Variants in PLA1A observed in about 807,000 individuals in gnomAD.
PLA1A encodes the protein phosphatidylserine-specific phospholipase A1alpha.
Under a neutral mutation model 49.4 loss-of-function variants are expected in PLA1A, and 47 were observed. The ratio of observed to expected loss-of-function variants is 0.95; its 90% CI spans 0.75 to 1.21. PLA1A has a LOEUF of 1.21. Ranked by LOEUF, PLA1A falls within the 50% of genes most tolerant of loss-of-function variation. PLA1A has a pLI of 0.00. For missense variants in PLA1A, 561 were observed against 563.9 expected (o/e 0.99, Z 0.05); for synonymous variants, 224 against 207.9 (o/e 1.08, Z -0.67).
At chr3:119,627,150 C>T (rs985735190) in intron 9 of PLA1A, among the ~76,000 whole-genome samples, 1 of 152,236 alleles carries the variant, frequency 6.6e-6, no homozygotes, top group Non-Finnish European at 1.5e-5. Context: ...CAGATTAGCG[C>T]TTCCTCCTCC....
intron 1 of PLA1A, among the ~76,000 whole-genome samples, chr3:119,599,875 C>A (rs2082594560): frequency 1.3e-5 from 2 of 152,136 alleles, no homozygotes; most frequent in African/African-American, 4.8e-5. Flanking sequence ...TCAACAGCAA[C>A]AATATTTATT....
chr3:119,627,090 C>T (rs2052549599), intron 9 of PLA1A, among the ~76,000 whole-genome samples: 1 of 152,162 alleles, frequency 6.6e-6, no homozygotes, highest in Non-Finnish European at 1.5e-5. Flanking sequence ...TGGGCATAGG[C>T]TCCACAGCTA....
At chr3:119,626,270 G>A (rs867135762) in intron 9 of PLA1A, among the ~76,000 whole-genome samples, 1 of 152,200 alleles carries the variant, frequency 6.6e-6, no homozygotes, top group Admixed American at 6.5e-5. Flanking sequence ...GCTTCCACTG[G>A]GTTAGACCTC....
intron 1 of PLA1A, among the ~76,000 whole-genome samples, chr3:119,603,659 A>G (rs2082646690): frequency 6.6e-6 from 1 of 152,242 alleles, no homozygotes; most frequent in African/African-American, 2.4e-5. Context: ...AAACTTAGGC[A>G]CATTAAAATT....
At chr3:119,623,717 CTTTTT>C (rs35309675) in intron 8 of PLA1A, among the ~76,000 whole-genome samples, 7 of 101,488 alleles carry the variant, frequency 6.9e-5, no homozygotes, top group Non-Finnish European at 9.3e-5. Context: ...TTCTCTCTTT[CTTTTT>C]TTTTTTTTTT....
chr3:119,610,289 A>G (rs1351818444), intron 4 of PLA1A, among the ~76,000 whole-genome samples: 2 of 152,146 alleles, frequency 1.3e-5, no homozygotes, highest in Non-Finnish European at 2.9e-5. Flanking sequence ...TGAATATACT[A>G]GTGCAGGTAT....
chr3:119,608,870 AC>A lies in PLA1A; in HGVS notation c.377del (p.Thr126LysfsTer8), dbSNP rs1560079437. 2 of 1,613,948 alleles carry A rather than the reference AC, an allele frequency of 1.2e-6. No homozygotes were observed. The highest frequency in any genetic ancestry group is 2.2e-5 in the South Asian group (2 of 91,080). On this transcript the variant is annotated frameshift_variant, in exon 3 of 11. Transcript: ENST00000273371. LOFTEE classifies it high-confidence loss of function. ...TGCCGTGGACTGGATTTATGGGTCTACAGGAGTCTACTTCTCAGCTGTGAAA... is the reference window on the plus strand; with the variant it reads ...TGCCGTGGACTGGATTTATGGGTCTAAGGAGTCTACTTCTCAGCTGTGAAA... ...VIAVDWIYGS[T>X]GVYFSAVKNV...
At position 119,622,675 on chromosome 3, in the gene PLA1A, G is replaced by A. The variant is rs544621858; in HGVS notation, c.1013-2449G>A. ...GAGAAAGTACAGGTAGAGTAGAGGCGAAGGATTGCATCTCTAGCTATGTTC... is the reference window on the plus strand; with the variant it reads ...GAGAAAGTACAGGTAGAGTAGAGGCAAAGGATTGCATCTCTAGCTATGTTC... On this transcript the variant is annotated intron_variant, in intron 8 of 10. Coordinates refer to ENST00000273371, the MANE Select transcript of PLA1A (RefSeq NM_015900.4). Among the ~76,000 whole-genome samples the A allele has an allele frequency of 5.3e-5, 8 of 152,186 alleles. No homozygotes were observed. The South Asian group carries it at 1.5e-3, about 28-fold the overall frequency.
intron 7 of PLA1A, among the ~76,000 whole-genome samples, chr3:119,618,575 G>A (rs967656569): frequency 4.6e-5 from 7 of 152,202 alleles, no homozygotes; most frequent in Non-Finnish European, 8.8e-5. Flanking sequence ...TGGAACACAA[G>A]ACCTACATTA....
chr3:119,606,694 C>A, intron 1 of PLA1A, 80 bp from the exon 2 acceptor site: 1 of 1,154,192 alleles, frequency 8.7e-7, no homozygotes, highest in Non-Finnish European at 1.3e-6. Flanking sequence ...TTCTTGCTTC[C>A]TTCCAAGGTC....
intron 5 of PLA1A, among the ~76,000 whole-genome samples, chr3:119,613,818 G>A (rs1039916477): frequency 6.6e-6 from 1 of 152,168 alleles, no homozygotes; most frequent in Non-Finnish European, 1.5e-5. Flanking sequence ...GCGTGAACCC[G>A]GGAGGCAGAG....
At chr3:119,609,055 G>A (rs770604782) in intron 3 of PLA1A, 108 bp downstream of exon 3, 4 of 845,614 alleles carry the variant, frequency 4.7e-6, no homozygotes, top group Non-Finnish European at 3.8e-6. Context: ...GAGTCACCAG[G>A]TAGCTCGGTG....
chr3:119,599,854 G>T (rs978871906), intron 1 of PLA1A, among the ~76,000 whole-genome samples: 1 of 152,126 alleles, frequency 6.6e-6, no homozygotes, highest in Non-Finnish European at 1.5e-5. Context: ...CCTTAACTGA[G>T]TGTTTCACTG....
intron 8 of PLA1A, among the ~76,000 whole-genome samples, chr3:119,623,790 T>C (rs1639011738): frequency 7.0e-6 from 1 of 142,048 alleles, no homozygotes; most frequent in African/African-American, 2.6e-5. Flanking sequence ...AACGGCACCA[T>C]CTCGGCTCAC....
chr3:119,618,698 G>A (rs748356139), intron 7 of PLA1A, among the ~76,000 whole-genome samples: 1 of 152,168 alleles, frequency 6.6e-6, no homozygotes, highest in Non-Finnish European at 1.5e-5. Flanking sequence ...TGCCAGGAAG[G>A]CTGCAGGATC....
Position 119,612,305 on chromosome 3 carries a change from A to G in PLA1A, c.563-712A>G, listed in dbSNP as rs1577143858. ...GAAGGGAAGGGATCCAAACTGAGAG[A>G]TGGGAATAGTAGTATTCACAGTAAT... is the stretch of plus-strand genomic sequence containing the variant. On this transcript the variant is annotated intron_variant, in intron 4 of 10. Coordinates refer to ENST00000273371, the MANE Select transcript of PLA1A (RefSeq NM_015900.4). Among the ~76,000 whole-genome samples the G allele has an allele frequency of 2.6e-5, 4 of 152,242 alleles. No individual in the cohort carries two copies. The South Asian group carries it at 8.3e-4, about 32-fold the overall frequency.
intron 8 of PLA1A, among the ~76,000 whole-genome samples, chr3:119,622,383 G>A (rs183171596): frequency 1.3e-5 from 2 of 152,128 alleles, no homozygotes; most frequent in Non-Finnish European, 2.9e-5. Context: ...GCCCTTGCCC[G>A]TCCCCATAAC....
At chr3:119,600,220 C>T (rs909901527) in intron 1 of PLA1A, 1 of 583,348 alleles carries the variant, frequency 1.7e-6, no homozygotes, top group Non-Finnish European at 3.1e-6. Flanking sequence ...GAAGTTCAGC[C>T]TCCACTCACT....
chr3:119,612,520 G>A lies in PLA1A; in HGVS notation c.563-497G>A, dbSNP rs148088456. ...CTTTTTTTTTTTGAGATGGAGTTTC[G>A]CCCTGTTGCCCAGGCTGGAGTGCAG... On this transcript the variant is annotated intron_variant, in intron 4 of 10. Transcript: ENST00000273371. 4.2e-3 allele frequency among the ~76,000 whole-genome samples: 635 copies of A among 150,888 alleles called. 5 individuals carry two copies. The highest frequency in any genetic ancestry group is 0.014 in the African/African-American group (594 of 40,966).
Sources: allele counts gnomAD v4.1 joint callset (sites outside exome capture counted in the v4.1 genomes callset), GRCh38; gene constraint gnomAD v4.1.1; transcripts MANE v1.5; gene names NCBI Gene and HGNC (gene_info 2026-07-23, HGNC 2026-07-21).